DLD: variants seen among roughly 807,000 people sequenced by gnomAD.
DLD encodes dihydrolipoyl dehydrogenase, mitochondrial.
Under a neutral mutation model 62.2 loss-of-function variants are expected in DLD, and 36 were observed. That is an observed-to-expected ratio of 0.58 (90% CI 0.44 to 0.76). The LOEUF (loss-of-function observed/expected upper bound fraction) is 0.76. DLD is among the 30% of genes least tolerant of loss of function. The probability of loss-of-function intolerance (pLI) is 0.00; values close to 1 mark genes in which losing one functional copy is unlikely to be tolerated. For synonymous variants in DLD, 204 were observed against 199.6 expected (o/e 1.02, Z -0.19); for missense variants, 541 against 608.6 (o/e 0.89, Z 1.17).
chr7:107,913,984 T>C (rs77751671), intron 8 of DLD, among the ~76,000 whole-genome samples: 51 of 152,304 alleles, frequency 3.3e-4, no homozygotes, highest in African/African-American at 1.2e-3. Context: ...AGTGATCATA[T>C]GGTTTTTGTT....
intron 11 of DLD, 123 bp from the exon 12 acceptor site, chr7:107,917,801 C>G (rs1218688540): frequency 7.9e-7 from 1 of 1,266,870 alleles, no homozygotes; most frequent in Non-Finnish European, 1.1e-6. Context: ...TCCTTTCCTT[C>G]TATGTGCTTT....
rs759602859 is a variant in DLD, at chr7:107,916,775, T to C, written c.876-19T>C. 3.1e-6 allele frequency: 5 copies of C among 1,611,720 alleles called. No homozygotes were observed. The highest frequency in any genetic ancestry group is 4.2e-6 in the Non-Finnish European group (5 of 1,178,254). On this transcript the variant is annotated intron_variant, in intron 9 of 13. Coordinates refer to ENST00000205402, the MANE Select transcript of DLD (RefSeq NM_000108.5). ...TATGTAGGTGTGTATTTAACATTTA[T>C]ACACTGTTTGTTATCTAGTATTGAA...
chr7:107,891,501 G>A (rs1332948333), intron 1 of DLD: 2 of 626,608 alleles, frequency 3.2e-6, no homozygotes, highest in East Asian at 2.7e-5. Flanking sequence ...CTGGGCCCAG[G>A]CTGTGGCGAG....
At chr7:107,909,677 T>C (rs1366645423) in intron 8 of DLD, among the ~76,000 whole-genome samples, 1 of 152,116 alleles carries the variant, frequency 6.6e-6, no homozygotes, top group Non-Finnish European at 1.5e-5. Flanking sequence ...ATTAATAATG[T>C]CTTCTAGTAT....
Position 107,906,380 on chromosome 7 carries a change from C to T in DLD, c.684+12C>T, listed in dbSNP as rs2032008530. On this transcript the variant is annotated intron_variant, in intron 8 of 13. Coordinates refer to ENST00000205402, the MANE Select transcript of DLD (RefSeq NM_000108.5). The stretch of plus-strand genomic sequence containing the variant: ...TAGGTGTAGAATTGGTAAGTGTTGT[C>T]TTTCTGCCTCTTATTACCTCCTTGG... The T allele has an allele frequency of 6.5e-7, 1 of 1,531,118 alleles. No homozygotes were observed. The highest frequency in any genetic ancestry group is 9.0e-7 in the Non-Finnish European group (1 of 1,105,010). 94.8% of individuals were successfully genotyped at this position (1,531,118 alleles called of 1,614,324 possible).
At chr7:107,897,202 A>G (rs999848327) in intron 2 of DLD, among the ~76,000 whole-genome samples, 1 of 152,142 alleles carries the variant, frequency 6.6e-6, no homozygotes, top group African/African-American at 2.4e-5. Flanking sequence ...AGGTTATTGA[A>G]GGTACTGATG....
chr7:107,893,715 T>C (rs1347682536), intron 2 of DLD, among the ~76,000 whole-genome samples: 1 of 151,628 alleles, frequency 6.6e-6, no homozygotes, highest in Non-Finnish European at 1.5e-5. Flanking sequence ...GGACTTAGCT[T>C]GTGAAGTTTA....
At chr7:107,898,832 C>G (rs2031803792) in intron 2 of DLD, among the ~76,000 whole-genome samples, 1 of 152,026 alleles carries the variant, frequency 6.6e-6, no homozygotes, top group Non-Finnish European at 1.5e-5. Flanking sequence ...CCTCGGCCTC[C>G]CAAAGTGCTG....
At position 107,901,741 on chromosome 7, in the gene DLD, A is replaced by G. The variant is rs1028052952; in HGVS notation, c.122A>G (p.Asp41Gly). 1 of 1,613,280 alleles carries G rather than the reference A, an allele frequency of 6.2e-7. No individual in the cohort carries two copies. Among genetic ancestry groups the G allele is most frequent in the Non-Finnish European group, 8.5e-7 (1 of 1,179,342 alleles). The change falls in exon 3 of 14, where the codon GAT becomes GGT. Residue 41 changes from aspartate (D) to glycine (G), a missense_variant. Physicochemically the swap from Asp to Gly is moderately conservative, Grantham distance 94 (BLOSUM62 -1). Transcript: ENST00000205402. Reference protein sequence around the residue: ...PLRTYADQPIDADVTVIGSGP... With the variant: ...PLRTYADQPIGADVTVIGSGP... ...TATCAATTTGCTTTTATCGTAGTTG[A>G]TGCTGATGTAACAGTTATAGGTTCT...
chr7:107,894,234 A>G (rs1469812066), intron 2 of DLD, among the ~76,000 whole-genome samples: 1 of 152,238 alleles, frequency 6.6e-6, no homozygotes, highest in Non-Finnish European at 1.5e-5. Flanking sequence ...TTTGACATTT[A>G]CTGAATTCAC....
chr7:107,908,319 T>C (rs1346099060), intron 8 of DLD, among the ~76,000 whole-genome samples: 2 of 151,760 alleles, frequency 1.3e-5, no homozygotes, highest in Non-Finnish European at 2.9e-5. Flanking sequence ...CCCGGCTAAT[T>C]TTTGTATTTT....
chr7:107,913,346 C>T (rs1405865473), intron 8 of DLD, among the ~76,000 whole-genome samples: 1 of 151,980 alleles, frequency 6.6e-6, no homozygotes, highest in Non-Finnish European at 1.5e-5. Context: ...GTCATTTTAA[C>T]GATATTAATT....
intron 8 of DLD, among the ~76,000 whole-genome samples, 183 bp from the exon 9 acceptor site, chr7:107,915,323 G>A (rs930380388): frequency 5.3e-5 from 8 of 152,286 alleles, no homozygotes; most frequent in Middle Eastern, 3.4e-3. Context: ...TGTTGAATGA[G>A]TAAGTTAATA....
intron 8 of DLD, among the ~76,000 whole-genome samples, chr7:107,907,576 T>C (rs773183197): frequency 6.6e-6 from 1 of 152,244 alleles, no homozygotes; most frequent in Non-Finnish European, 1.5e-5. Flanking sequence ...CCTATTACTG[T>C]GGAAATGCCA....
intron 2 of DLD, among the ~76,000 whole-genome samples, chr7:107,898,947 C>T (rs923477707): frequency 6.6e-6 from 1 of 152,106 alleles, no homozygotes; most frequent in South Asian, 2.1e-4. Flanking sequence ...GAGTCAGAAT[C>T]ATGTGTTATC....
chr7:107,917,060 G>T, intron 10 of DLD, 96 bp downstream of exon 10: 4 of 1,326,924 alleles, frequency 3.0e-6, no homozygotes, highest in Non-Finnish European at 4.2e-6. Flanking sequence ...ATATGTATTG[G>T]CTTTGGGGAA....
chr7:107,897,023 T>A (rs1392623845), intron 2 of DLD, among the ~76,000 whole-genome samples: 1 of 151,972 alleles, frequency 6.6e-6, no homozygotes, highest in African/African-American at 2.4e-5. Context: ...TTAGTAGAGA[T>A]GGGGTTTCAC....
At chr7:107,894,804 TGTGTGTAAA>T (rs563199883) in intron 2 of DLD, among the ~76,000 whole-genome samples, 2 of 152,340 alleles carry the variant, frequency 1.3e-5, no homozygotes, top group East Asian at 1.9e-4. Flanking sequence ...TTAGTACCCA[TGTGTGTAAA>T]GTGTGTAAAA....
chr7:107,904,258 G>A (rs770793560), intron 5 of DLD, among the ~76,000 whole-genome samples: 3 of 152,202 alleles, frequency 2.0e-5, no homozygotes, highest in Non-Finnish European at 2.9e-5. Flanking sequence ...ATGGAATGAC[G>A]TAAAGAAAGA....
Sources: gnomAD v4.1 joint callset for allele counts (sites outside exome capture counted in the v4.1 genomes callset) on GRCh38, gnomAD v4.1.1 for gene constraint, MANE v1.5 for transcripts, NCBI Gene and HGNC (gene_info 2026-07-23, HGNC 2026-07-21) for gene names.